Variants in UBE2Q2 observed in about 807,000 individuals in gnomAD.
UBE2Q2 encodes ubiquitin-conjugating enzyme E2 Q2.
UBE2Q2 carries 54 observed loss-of-function variants against 59.9 expected under a neutral mutation model. The observed-to-expected ratio is 0.90, with a 90% CI of 0.72 to 1.13. UBE2Q2 has a LOEUF of 1.13. Ranked by LOEUF, UBE2Q2 falls within the 50% of genes most tolerant of loss-of-function variation. UBE2Q2 has a pLI of 0.00. For synonymous variants in UBE2Q2, 165 were observed against 155.2 expected, an observed-to-expected ratio of 1.06 and a Z score of -0.47; for missense variants, 433 against 441.9, an observed-to-expected ratio of 0.98 and a Z score of 0.18.
At chr15:75,879,377 A>T (rs1160721384) in intron 8 of UBE2Q2, among the ~76,000 whole-genome samples, 189 bp downstream of exon 8, 1 of 152,200 alleles carries the variant, frequency 6.6e-6, no homozygotes, top group African/African-American at 2.4e-5. Context: ...TCAGAGCAGC[A>T]TCGTTTATAA....
chr15:75,843,723 G>C lies in UBE2Q2; in HGVS notation c.57G>C (p.Lys19Asn). The C allele has an allele frequency of 1.2e-6, 2 of 1,611,580 alleles. No homozygotes were observed. The highest frequency in any genetic ancestry group is 1.7e-6 in the Non-Finnish European group (2 of 1,179,072). The change falls in exon 1 of 13, where the codon AAG (lysine) becomes AAC (asparagine). Residue 19 changes from lysine to asparagine, a missense_variant. By Grantham distance (94) the Lys-to-Asn change is moderately conservative. Transcript: ENST00000267938. Reference protein sequence around the residue: ...ELKFLASIFDKNHERFRIVSW... With the variant: ...ELKFLASIFDNNHERFRIVSW... ...AGTTCCTGGCGTCCATCTTCGACAA[G>C]AACCACGAGCGATTCCGCATCGTCA...
At chr15:75,880,974 C>G (rs1488634100) in intron 8 of UBE2Q2, among the ~76,000 whole-genome samples, 1 of 151,826 alleles carries the variant, frequency 6.6e-6, no homozygotes, top group Non-Finnish European at 1.5e-5. Context: ...TTGAAGTGAC[C>G]CAAATGTCAG....
chr15:75,853,518 A>ATGTG (rs1468090280), intron 1 of UBE2Q2, among the ~76,000 whole-genome samples: 2 of 151,716 alleles, frequency 1.3e-5, no homozygotes, highest in African/African-American at 4.8e-5. Context: ...GTATGTATGT[A>ATGTG]TGTATGTGTG....
chr15:75,885,719 G>T (rs1964677), intron 9 of UBE2Q2, among the ~76,000 whole-genome samples: 149,862 of 152,308 alleles, frequency 0.98, 73,769 homozygotes, highest in East Asian at 1. Flanking sequence ...TTTGACAGGT[G>T]GTTACAAAGT....
chr15:75,866,703 AATC>A (rs1388781579), intron 3 of UBE2Q2, among the ~76,000 whole-genome samples: 1 of 151,944 alleles, frequency 6.6e-6, no homozygotes, highest in Non-Finnish European at 1.5e-5. Context: ...TGTTTTTCTT[AATC>A]ATAAATACCT....
At chr15:75,883,720 G>T (rs547092545) in intron 9 of UBE2Q2, among the ~76,000 whole-genome samples, 11 of 152,062 alleles carry the variant, frequency 7.2e-5, no homozygotes, top group South Asian at 2.1e-4. Flanking sequence ...TTTTTAAGAA[G>T]TTTCCAGGTG....
intron 8 of UBE2Q2, among the ~76,000 whole-genome samples, chr15:75,882,017 G>T (rs1478131846): frequency 6.6e-6 from 1 of 152,140 alleles, no homozygotes; most frequent in Non-Finnish European, 1.5e-5. Flanking sequence ...ATGTTATCTT[G>T]TCTTCAGCTA....
chr15:75,890,976 G>A lies in UBE2Q2; in HGVS notation c.991G>A (p.Val331Ile), dbSNP rs1245687023. ...SVIMQINATL[V>I]KGKARVQFGA... ...CATCATGCAAATAAATGCCACCTTA[G>A]TCAAAGGCAAAGCCAGAGTGCAGTT... The change falls in exon 11 of 13, where the codon GTC (valine) becomes ATC (isoleucine). Residue 331 changes from valine (V) to isoleucine (I), a missense_variant. By Grantham distance (29) the Val-to-Ile change is conservative (BLOSUM62 3). Transcript: ENST00000267938. 6.2e-7 allele frequency: 1 copy of A among 1,612,208 alleles called. No homozygotes were observed. Among genetic ancestry groups the A allele is most frequent in the African/African-American group, 1.3e-5 (1 of 74,872 alleles).
chr15:75,856,253 G>GTGTGTGTGTGTGTT (rs1279130803), intron 2 of UBE2Q2, among the ~76,000 whole-genome samples: 3 of 98,620 alleles, frequency 3.0e-5, no homozygotes, highest in Non-Finnish European at 6.5e-5. Context: ...ATACGTGTGT[G>GTGTGTGTGTGTGTT]TGTGTGTGTG....
chr15:75,896,973 A>C, intron 11 of UBE2Q2, 22 bp from the exon 12 acceptor site: 1 of 1,475,546 alleles, frequency 6.8e-7, no homozygotes, highest in South Asian at 1.2e-5. Flanking sequence ...CTTTTGATTT[A>C]AAATGTGTAA....
intron 3 of UBE2Q2, among the ~76,000 whole-genome samples, chr15:75,866,405 C>T (rs1595872529): frequency 6.6e-6 from 1 of 152,146 alleles, no homozygotes; most frequent in East Asian, 1.9e-4. Flanking sequence ...TCTCAAACTT[C>T]TGGGCTCAAG....
intron 1 of UBE2Q2, among the ~76,000 whole-genome samples, chr15:75,853,440 G>A (rs1291294192): frequency 1.6e-5 from 2 of 125,546 alleles, no homozygotes; most frequent in Admixed American, 7.1e-5. Context: ...CATGCACTCC[G>A]CCTGGGCCAC....
intron 3 of UBE2Q2, among the ~76,000 whole-genome samples, chr15:75,866,394 G>A (rs115803910): frequency 0.012 from 1,808 of 152,154 alleles, 31 homozygotes; most frequent in African/African-American, 0.041. Context: ...GCCCAAGCTG[G>A]TCTCAAACTT....
intron 1 of UBE2Q2, 142 bp downstream of exon 1, chr15:75,843,988 C>T (rs1456611475): frequency 2.1e-6 from 3 of 1,404,376 alleles, no homozygotes; most frequent in Admixed American, 3.2e-5. Context: ...CCGCGACTTG[C>T]CCATCCCAGG....
chr15:75,883,537 A>G lies in UBE2Q2; in HGVS notation c.884+113A>G, dbSNP rs142782160. On this transcript the variant is annotated intron_variant, in intron 9 of 12. Transcript: ENST00000267938. ...GGCTGGTCTTGAATTCCTGGGCTCA[A>G]GTGATCCTCCCACCTTGGCCTCCCA... 6.5e-4 allele frequency: 474 copies of G among 729,364 alleles called. 7 individuals are homozygous for G. In the East Asian group the frequency reaches 9.5e-3, roughly 15 times the overall value. 45.2% of individuals were successfully genotyped at this position (729,364 alleles called of 1,614,324 possible). A position where few individuals can be genotyped will look rare whatever the true frequency, so the allele number is the denominator to read the frequency against.
At chr15:75,876,306 T>A in intron 6 of UBE2Q2, 35 bp downstream of exon 6, 1 of 1,536,000 alleles carries the variant, frequency 6.5e-7, no homozygotes, top group Non-Finnish European at 9.0e-7. Context: ...TCTTTATGAT[T>A]CTTCTGCTCT....
intron 12 of UBE2Q2, 92 bp from the exon 13 acceptor site, chr15:75,899,335 A>G: frequency 1.5e-6 from 1 of 669,532 alleles, no homozygotes; most frequent in Non-Finnish European, 2.2e-6. Flanking sequence ...CACCAAAATT[A>G]TGAAAAGAGA....
At chr15:75,860,130 T>A (rs758807607) in intron 3 of UBE2Q2, 148 bp downstream of exon 3, 7 of 659,422 alleles carry the variant, frequency 1.1e-5, no homozygotes, top group African/African-American at 5.7e-5. Flanking sequence ...TGTTCTGTTT[T>A]AGGTACTAAA....
intron 4 of UBE2Q2, among the ~76,000 whole-genome samples, chr15:75,869,462 A>T (rs1327194178): frequency 6.6e-6 from 1 of 152,222 alleles, no homozygotes; most frequent in African/African-American, 2.4e-5. Flanking sequence ...CACTATTTTA[A>T]CAGAATACTG....
Sources: allele counts gnomAD v4.1 joint callset (sites outside exome capture counted in the v4.1 genomes callset), GRCh38; gene constraint gnomAD v4.1.1; transcripts MANE v1.5; gene names NCBI Gene and HGNC (gene_info 2026-07-23, HGNC 2026-07-21).